The following ZDHHC21 variants were observed in gnomAD, a reference collection of about 807,000 sequenced individuals.
ZDHHC21 encodes the protein zDHHC palmitoyltransferase 21, also known as palmitoyltransferase ZDHHC21.
In ZDHHC21, 15 loss-of-function variants were observed where a neutral mutation model predicts 34.6. That is an observed-to-expected ratio of 0.43 (90% CI 0.29 to 0.67). The LOEUF (loss-of-function observed/expected upper bound fraction) is 0.67. ZDHHC21 is among the 30% of genes least tolerant of loss of function. The pLI is 0.14. For synonymous variants in ZDHHC21, 142 were observed against 101.8 expected (o/e 1.40, Z -2.38); for missense variants, 344 against 327.7 (o/e 1.05, Z -0.38).
downstream of ZDHHC21, among the ~76,000 whole-genome samples, chr9:14,606,374 A>C (rs560893295): frequency 7.9e-5 from 12 of 152,294 alleles, no homozygotes; most frequent in Middle Eastern, 3.4e-3. Context: ...TCATGCTGTA[A>C]GTAAGCCCAA....
chr9:14,649,033 A>G (rs1357142694), intron 7 of ZDHHC21, among the ~76,000 whole-genome samples: 2 of 151,680 alleles, frequency 1.3e-5, no homozygotes, highest in Non-Finnish European at 2.9e-5. Context: ...TACAGGGGAC[A>G]CTCTTGTGCA....
intron 7 of ZDHHC21, among the ~76,000 whole-genome samples, chr9:14,658,227 C>G (rs112569312): frequency 6.7e-4 from 102 of 152,196 alleles, no homozygotes; most frequent in African/African-American, 2.4e-3. Flanking sequence ...CAACGTGTTG[C>G]TTTCTAAGCT....
chr9:14,653,560 G>GA (rs1554770839), intron 7 of ZDHHC21, among the ~76,000 whole-genome samples: 1 of 151,412 alleles, frequency 6.6e-6, no homozygotes, highest in Non-Finnish European at 1.5e-5. Flanking sequence ...GGGTTTTGTT[G>GA]TTTTTTTTGC....
At chr9:14,599,194 C>T in the ZDHHC21 span, among the ~76,000 whole-genome samples, 2 of 152,192 alleles carry the variant, frequency 1.3e-5, no homozygotes, top group African/African-American at 4.8e-5. Context: ...CTGCAGCTCC[C>T]AGTGAGATCA....
In ZDHHC21 at chr9:14,614,382, T is replaced by C. The variant is rs1269013598; in HGVS notation, c.*4584A>G. 6.6e-6 allele frequency: 1 copy of C among 151,766 alleles called. No individual in the cohort carries two copies. Among genetic ancestry groups the C allele is most frequent in the Non-Finnish European group, 1.5e-5 (1 of 67,756 alleles). The allele number at this position is 151,766 out of a possible 1,614,324, so 9.4% of individuals were successfully genotyped here. ...ATCTGAAGAACTGACAAAGATATAG[T>C]GAGTTTTGTTGCTAAAAATTGCACA... On this transcript the variant is annotated 3_prime_UTR_variant, in exon 10 of 10. Transcript: ENST00000380916.
rs1188556554 is a variant in ZDHHC21 at position 14,616,918 on chromosome 9, AT to A, written c.*2047del. The A allele has an allele frequency of 6.6e-6, 1 of 151,886 alleles. No individual in the cohort carries two copies. Among genetic ancestry groups the A allele is most frequent in the Non-Finnish European group, 1.5e-5 (1 of 67,862 alleles). The allele number at this position is 151,886 out of a possible 1,614,324, so 9.4% of individuals were successfully genotyped here. A position where few individuals can be genotyped will look rare whatever the true frequency, so the allele number is the denominator to read the frequency against. On this transcript the variant is annotated 3_prime_UTR_variant, in exon 10 of 10. Transcript: ENST00000380916. Reference sequence around the variant, plus strand: ...CCTAGATGAGGTAAATCTAGGAAAAATAAGAGCACAAATCATCAGAGTGGGA... The same window carrying A: ...CCTAGATGAGGTAAATCTAGGAAAAAAAGAGCACAAATCATCAGAGTGGGA...
chr9:14,633,921 C>T (rs1827813454), intron 8 of ZDHHC21, among the ~76,000 whole-genome samples: 1 of 152,188 alleles, frequency 6.6e-6, no homozygotes, highest in African/African-American at 2.4e-5. Context: ...TGCCTTGGGC[C>T]TGGAGATCAC....
chr9:14,656,274 C>G (rs1486308400), intron 7 of ZDHHC21, among the ~76,000 whole-genome samples: 1 of 151,764 alleles, frequency 6.6e-6, no homozygotes, highest in Non-Finnish European at 1.5e-5. Flanking sequence ...TAATTCTGGT[C>G]CTAGAATTTA....
rs1824681953 is a variant in ZDHHC21, at chr9:14,618,542, T to A, written c.*424A>T. 6.5e-6 allele frequency: 1 copy of A among 153,124 alleles called. No homozygotes were observed. Among genetic ancestry groups the A allele is most frequent in the South Asian group, 2.1e-4 (1 of 4,842 alleles). 9.5% of individuals were successfully genotyped at this position (153,124 alleles called of 1,614,324 possible). On this transcript the variant is annotated 3_prime_UTR_variant, in exon 10 of 10. Transcript: ENST00000380916. ...TTTACCTATACTATAAGAAGGTGTA[T>A]CAACTTTTGTAAAACCTGAATAATT... is the stretch of plus-strand genomic sequence containing the variant.
chr9:14,599,311 G>A, the ZDHHC21 span, among the ~76,000 whole-genome samples: 1 of 152,182 alleles, frequency 6.6e-6, no homozygotes, highest in Non-Finnish European at 1.5e-5. Flanking sequence ...CCAAAGCAGG[G>A]TGGGGCATTG....
At position 14,639,881 on chromosome 9, in the gene ZDHHC21, TAAA is replaced by T. The variant is rs755808309; in HGVS notation, c.621+12_621+14del. ...TATATTCATAAATGTTACTTTACAT[TAAA>T]AATATACTTACTGTGATGATGCCAA... On this transcript the variant is annotated intron_variant, in intron 8 of 9. Coordinates refer to ENST00000380916, the MANE Select transcript of ZDHHC21 (RefSeq NM_178566.6). 7.1e-7 allele frequency: 1 copy of T among 1,407,250 alleles called. No individual in the cohort carries two copies. Among genetic ancestry groups the T allele is most frequent in the Admixed American group, 2.0e-5 (1 of 49,482 alleles). 87.2% of individuals were successfully genotyped at this position (1,407,250 alleles called of 1,614,324 possible).
chr9:14,688,901 G>A (rs543152267), intron 2 of ZDHHC21, among the ~76,000 whole-genome samples: 17 of 151,980 alleles, frequency 1.1e-4, no homozygotes, highest in South Asian at 8.3e-4. Flanking sequence ...AAAACCAGCC[G>A]GGTGTGGTGG....
At chr9:14,672,215 G>C (rs1331117535) in intron 5 of ZDHHC21, among the ~76,000 whole-genome samples, 1 of 152,076 alleles carries the variant, frequency 6.6e-6, no homozygotes, top group Non-Finnish European at 1.5e-5. Context: ...GAAGAATTCA[G>C]TTATATGAAA....
intron 2 of ZDHHC21, among the ~76,000 whole-genome samples, chr9:14,686,014 T>C (rs972766523): frequency 6.6e-6 from 1 of 151,256 alleles, no homozygotes; most frequent in Non-Finnish European, 1.5e-5. Flanking sequence ...GTGAGAACAT[T>C]TGGACACAGG....
At chr9:14,672,139 T>A (rs1835581500) in intron 5 of ZDHHC21, among the ~76,000 whole-genome samples, 2 of 152,214 alleles carry the variant, frequency 1.3e-5, no homozygotes, top group African/African-American at 4.8e-5. Context: ...GTAAAATACT[T>A]CAGAGTAATT....
At chr9:14,681,282 T>C (rs1446487346) in intron 2 of ZDHHC21, among the ~76,000 whole-genome samples, 1 of 152,202 alleles carries the variant, frequency 6.6e-6, no homozygotes, top group East Asian at 1.9e-4. Flanking sequence ...TGGAGTGCAG[T>C]GGCTATTCCC....
At chr9:14,662,934 T>G (rs533464357) in intron 5 of ZDHHC21, among the ~76,000 whole-genome samples, 1 of 152,258 alleles carries the variant, frequency 6.6e-6, no homozygotes, top group African/African-American at 2.4e-5. Context: ...CAGAATAGTT[T>G]CAGTAGTGAA....
At position 14,615,368 on chromosome 9, in the gene ZDHHC21, C is replaced by T. The variant is rs970207172; in HGVS notation, c.*3598G>A. On this transcript the variant is annotated 3_prime_UTR_variant, in exon 10 of 10. Coordinates refer to ENST00000380916, the MANE Select transcript of ZDHHC21 (RefSeq NM_178566.6). ...TGGCAAAAACGCACTGATGTTAATC[C>T]TGGCAGATGTTTTAACTCAGCTGTT... The T allele has an allele frequency of 6.6e-6, 1 of 151,560 alleles. No individual in the cohort carries two copies. Among genetic ancestry groups the T allele is most frequent in the South Asian group, 2.1e-4 (1 of 4,818 alleles). 9.4% of individuals were successfully genotyped at this position (151,560 alleles called of 1,614,324 possible). A position where few individuals can be genotyped will look rare whatever the true frequency, so the allele number is the denominator to read the frequency against.
At chr9:14,673,231 T>G (rs760281200) in intron 4 of ZDHHC21, among the ~76,000 whole-genome samples, 13 of 152,038 alleles carry the variant, frequency 8.6e-5, no homozygotes, top group Middle Eastern at 3.4e-3. Flanking sequence ...CATAAATGAA[T>G]AGGCTCCCGT....
Sources: gnomAD v4.1 joint callset for allele counts (sites outside exome capture counted in the v4.1 genomes callset) on GRCh38, gnomAD v4.1.1 for gene constraint, MANE v1.5 for transcripts, NCBI Gene and HGNC (gene_info 2026-07-23, HGNC 2026-07-21) for gene names.